Variants in ABCC4 observed in about 807,000 individuals in gnomAD.
The protein encoded by ABCC4 is ATP-binding cassette sub-family C member 4.
Under a neutral mutation model 168.5 loss-of-function variants are expected in ABCC4, and 102 were observed. The ratio of observed to expected loss-of-function variants is 0.61; its 90% CI spans 0.52 to 0.71. The LOEUF is 0.71. Among genes scored for constraint, ABCC4 ranks in the 30% least tolerant of loss-of-function variants. The pLI is 0.00. For synonymous variants in ABCC4, 617 were observed against 590.7 expected (o/e 1.04, Z -0.65); for missense variants, 1,402 against 1,605.8 (o/e 0.87, Z 2.17).
intron 19 of ABCC4, among the ~76,000 whole-genome samples, chr13:95,134,754 G>C (rs941590025): frequency 3.3e-5 from 5 of 151,958 alleles, no homozygotes; most frequent in Non-Finnish European, 7.4e-5. Context: ...ATAAGGACAA[G>C]AGCCATAGAG....
At position 95,131,948 on chromosome 13, in the gene ABCC4, C is replaced by CAT. The variant is rs559423754; in HGVS notation, c.2456-15949_2456-15948dup. Among the ~76,000 whole-genome samples, 159 of 152,204 alleles carry CAT rather than the reference C, an allele frequency of 1.0e-3. 1 individual carries two copies. The highest frequency in any genetic ancestry group is 1.8e-3 in the Non-Finnish European group (125 of 68,002). On this transcript the variant is annotated intron_variant, in intron 19 of 30. Coordinates refer to ENST00000645237, the MANE Select transcript of ABCC4 (RefSeq NM_005845.5). ...GCATGATCCAGCAATTCCACCTCTA[C>CAT]ATATATACACAACAGAAGAGACTAC...
chr13:95,055,079 T>G (rs562414094), intron 26 of ABCC4, among the ~76,000 whole-genome samples: 1 of 152,196 alleles, frequency 6.6e-6, no homozygotes, highest in Non-Finnish European at 1.5e-5. Flanking sequence ...ATGATGTTTC[T>G]GAATTACCAA....
chr13:95,272,504 T>C (rs2040871021), intron 1 of ABCC4, among the ~76,000 whole-genome samples: 1 of 152,226 alleles, frequency 6.6e-6, no homozygotes, highest in Non-Finnish European at 1.5e-5. Flanking sequence ...TATTCAAACA[T>C]GAAATCTAAA....
chr13:95,093,660 C>T (rs758637586), intron 20 of ABCC4, among the ~76,000 whole-genome samples: 1 of 152,132 alleles, frequency 6.6e-6, no homozygotes, highest in Non-Finnish European at 1.5e-5. Flanking sequence ...TCTTACCACT[C>T]CTCTTCAACA....
intron 8 of ABCC4, among the ~76,000 whole-genome samples, chr13:95,200,001 C>A (rs1473414245): frequency 6.6e-6 from 1 of 152,172 alleles, no homozygotes; most frequent in Non-Finnish European, 1.5e-5. Context: ...TACCAAAGCA[C>A]CTCATGGCAT....
At chr13:95,063,061 T>C (rs1278726220) in intron 25 of ABCC4, among the ~76,000 whole-genome samples, 1 of 152,174 alleles carries the variant, frequency 6.6e-6, no homozygotes, top group Non-Finnish European at 1.5e-5. Flanking sequence ...CCAGGCATTG[T>C]GGGAGGTTCG....
chr13:95,161,279 C>A lies in ABCC4; in HGVS notation c.2365G>T (p.Val789Phe), dbSNP rs779403637. 9 of 1,608,564 alleles carry A rather than the reference C, an allele frequency of 5.6e-6. No homozygotes were observed. Among genetic ancestry groups the A allele is most frequent in the East Asian group, 4.5e-5 (2 of 44,682 alleles). ...AAAGTTTGTGAAGAGTTAACAAGGA[C>A]GTAGAATACCAATAGAGATCTTGCT... ...GIARSLLVFY[V>F]LVNSSQTLHN... The change falls in exon 19 of 31, where the codon GTC becomes TTC. Residue 789 changes from valine to phenylalanine, a missense_variant. Transcript: ENST00000645237.
chr13:95,253,659 C>A (rs9590217), intron 1 of ABCC4, among the ~76,000 whole-genome samples: 15,350 of 151,826 alleles, frequency 0.1, 870 homozygotes, highest in East Asian at 0.17. Flanking sequence ...GTAGGAGAAT[C>A]GCTTAAACCC....
At chr13:95,269,102 G>C (rs540489668) in intron 1 of ABCC4, among the ~76,000 whole-genome samples, 7 of 152,272 alleles carry the variant, frequency 4.6e-5, no homozygotes, top group Middle Eastern at 3.4e-3. Flanking sequence ...GCAGCCATTT[G>C]CTGTAGTAAA....
At chr13:95,131,899 C>T (rs143012886) in intron 19 of ABCC4, among the ~76,000 whole-genome samples, 11 of 152,134 alleles carry the variant, frequency 7.2e-5, no homozygotes, top group Non-Finnish European at 1.6e-4. Context: ...GACAGGTCCC[C>T]AAATTATGAA....
intron 24 of ABCC4, among the ~76,000 whole-genome samples, chr13:95,072,497 T>C (rs2033765840): frequency 6.6e-6 from 1 of 152,178 alleles, no homozygotes; most frequent in African/African-American, 2.4e-5. Flanking sequence ...TCTTTTGCTA[T>C]AGAAGGATCA....
chr13:95,182,438 C>A (rs934916539), intron 11 of ABCC4, among the ~76,000 whole-genome samples: 1 of 152,066 alleles, frequency 6.6e-6, no homozygotes, highest in African/African-American at 2.4e-5. Context: ...ATTAGGGTAA[C>A]AATATTTTTA....
At position 95,234,780 on chromosome 13, in the gene ABCC4, C is replaced by T; in HGVS notation, c.361G>A (p.Glu121Lys). 1 of 1,606,456 alleles carries T rather than the reference C, an allele frequency of 6.2e-7. No homozygotes were observed. The highest frequency in any genetic ancestry group is 8.5e-7 in the Non-Finnish European group (1 of 1,175,964). Residue 121 changes from glutamate (E) to lysine (K), a missense_variant, in exon 4 of 31, where the codon GAA becomes AAA. Glu to Lys is a moderately conservative substitution (Grantham distance 56, BLOSUM62 1). This residue lies in a region of ABCC4 where 317 missense variants were observed against 345.5 expected (regional missense o/e 0.92). Coordinates refer to ENST00000645237, the MANE Select transcript of ABCC4 (RefSeq NM_005845.5). ...ACAGAATCCATGGGATCATAATTTT[C>T]AAAATAATTAATAATTTTTCCCAAA... Reference protein sequence around the residue: ...IFLGKIINYFENYDPMDSVAL... With the variant: ...IFLGKIINYFKNYDPMDSVAL...
Position 95,075,369 on chromosome 13 carries a change from G to T in ABCC4, c.2806+63C>A, listed in dbSNP as rs530025966. The T allele has an allele frequency of 2.9e-4, 469 of 1,606,940 alleles. 1 individual carries two copies. The South Asian group carries it at 4.9e-3, about 17-fold the overall frequency. On this transcript the variant is annotated intron_variant, in intron 22 of 30. Transcript: ENST00000645237. ...CTGCCAACAAGCTCATCTGACCAGG[G>T]AGGTTAAGCCAGAAAAAGCAGCAGA... is the stretch of plus-strand genomic sequence containing the variant.
At chr13:95,037,571 C>T (rs1566362223) in intron 29 of ABCC4, among the ~76,000 whole-genome samples, 1 of 152,184 alleles carries the variant, frequency 6.6e-6, no homozygotes, top group Non-Finnish European at 1.5e-5. Flanking sequence ...GGGATTTGAA[C>T]CCGGGTGTAA....
chr13:95,252,568 G>A lies in ABCC4; in HGVS notation c.75-4815C>T, dbSNP rs376601095. Among the ~76,000 whole-genome samples, 11 of 152,160 alleles carry A rather than the reference G, an allele frequency of 7.2e-5. No homozygotes were observed. In the East Asian group the frequency reaches 2.1e-3, roughly 29 times the overall value. On this transcript the variant is annotated intron_variant, in intron 1 of 30. Coordinates refer to ENST00000645237, the MANE Select transcript of ABCC4 (RefSeq NM_005845.5). ...CAGGCACCTGTGATCCCAGCTATTTGGGAGGCTGAGGCAGGAGAATTGCTT... is the reference window on the plus strand; with the variant it reads ...CAGGCACCTGTGATCCCAGCTATTTAGGAGGCTGAGGCAGGAGAATTGCTT...
chr13:95,028,937 G>C (rs1213932290), intron 30 of ABCC4, among the ~76,000 whole-genome samples: 1 of 151,822 alleles, frequency 6.6e-6, no homozygotes. Flanking sequence ...AGGCCAAGGT[G>C]GGTGGGTTAC....
At chr13:95,087,840 T>G (rs16950584) in intron 20 of ABCC4, among the ~76,000 whole-genome samples, 4,013 of 152,238 alleles carry the variant, frequency 0.026, 162 homozygotes, top group African/African-American at 0.09. Flanking sequence ...CCTGGGGAGA[T>G]CTCTACTTTA....
chr13:95,130,887 G>A (rs1190258991), intron 19 of ABCC4, among the ~76,000 whole-genome samples: 1 of 152,086 alleles, frequency 6.6e-6, no homozygotes, highest in Non-Finnish European at 1.5e-5. Flanking sequence ...CTGCTATATG[G>A]CATTTCCGGC....
Sources: allele counts gnomAD v4.1 joint callset (sites outside exome capture counted in the v4.1 genomes callset), GRCh38; gene constraint gnomAD v4.1.1; regional missense constraint gnomAD v4.1.1; transcripts MANE v1.5; gene names NCBI Gene and HGNC (gene_info 2026-07-23, HGNC 2026-07-21).